PDZD2: variants seen among roughly 807,000 people sequenced by gnomAD.
PDZD2 encodes PDZ domain-containing protein 2.
PDZD2 carries 90 observed loss-of-function variants against 220.7 expected under a neutral mutation model. The ratio of observed to expected loss-of-function variants is 0.41; its 90% CI spans 0.34 to 0.49. The LOEUF (loss-of-function observed/expected upper bound fraction) is 0.49, where lower values mean the gene tolerates loss of function less well. Among genes scored for constraint, PDZD2 ranks in the 20% least tolerant of loss-of-function variants. The pLI is 0.28. For synonymous variants in PDZD2, 1,375 were observed against 1,450.5 expected (o/e 0.95, Z 1.18); for missense variants, 3,174 against 3,608.5 (o/e 0.88, Z 3.08).
At position 32,074,109 on chromosome 5, in the gene PDZD2, G is replaced by C. The variant is rs745579825; in HGVS notation, c.3003G>C (p.Pro1001=). Residue 1001 remains proline (P), a synonymous_variant, in exon 18 of 25, where the codon CCG becomes CCC. Transcript: ENST00000438447. ...GPIRPLSEDD[P]RRVSISSSKG... ...TCAGGCCTCTGTCAGAGGATGACCC[G>C]AGGCGTGTCTCAATTTCCTCTTCCA... 6.2e-7 allele frequency: 1 copy of C among 1,614,200 alleles called. No individual in the cohort carries two copies. Among genetic ancestry groups the C allele is most frequent in the Admixed American group, 1.7e-5 (1 of 60,024 alleles).
At chr5:32,106,531 A>G (rs1744780512) in intron 24 of PDZD2, 1 of 152,252 alleles carries the variant, frequency 6.6e-6, no homozygotes, top group Non-Finnish European at 1.5e-5. Flanking sequence ...AGATATCATC[A>G]TCACCATTTT....
intron 1 of PDZD2, among the ~76,000 whole-genome samples, chr5:31,693,402 A>T (rs432692): frequency 0.76 from 114,785 of 151,404 alleles, 44,517 homozygotes; most frequent in East Asian, 0.93. Flanking sequence ...CCACCACACC[A>T]GGCTAATTTC....
intron 2 of PDZD2, among the ~76,000 whole-genome samples, chr5:31,825,220 G>A (rs528117956): frequency 1.3e-4 from 20 of 152,244 alleles, no homozygotes; most frequent in South Asian, 1.0e-3. Context: ...AACACCAAAC[G>A]GAACCACATC....
In PDZD2 at chr5:31,983,271, G is replaced by C; in HGVS notation, c.593G>C (p.Gly198Ala). Residue 198 changes from glycine to alanine, a missense_variant, in exon 3 of 25, where the codon GGA becomes GCA. Transcript: ENST00000438447. ...AACAGTAGCAACAGCTCTGAACCAG[G>C]AGAAACACCTACCTTGGAGCTGGGT... ...NGNSSNSSEP[G>A]ETPTLELGDR... 3.7e-6 allele frequency: 6 copies of C among 1,614,208 alleles called. No homozygotes were observed. Among genetic ancestry groups the C allele is most frequent in the Non-Finnish European group, 5.1e-6 (6 of 1,180,034 alleles).
chr5:31,677,649 T>G (rs1271147736), intron 1 of PDZD2, among the ~76,000 whole-genome samples: 3 of 150,268 alleles, frequency 2.0e-5, no homozygotes, highest in African/African-American at 5.0e-5. Flanking sequence ...AAAAAGGAGG[T>G]ATATCCATGT....
rs1049612352 is a variant in PDZD2, at chr5:31,995,674, C to T, written c.1077C>T (p.His359=). The part of the protein sequence containing the change: ...SGGRGSKRSP[H]AIVVTQVKEG... ...GCCGAGGATCAAAGCGCTCACCTCA[C>T]GCTATCGTTGTCACTCAAGTGAAGG... The change falls in exon 4 of 25, where the codon CAC becomes CAT. Residue 359 remains histidine, a synonymous_variant. Coordinates refer to ENST00000438447, the MANE Select transcript of PDZD2 (RefSeq NM_178140.4). The T allele has an allele frequency of 2.5e-6, 4 of 1,614,062 alleles. No homozygotes were observed. Among genetic ancestry groups the T allele is most frequent in the Non-Finnish European group, 3.4e-6 (4 of 1,180,030 alleles).
rs1382852891 is a variant in PDZD2, at chr5:32,109,836, T to C, written c.*1701T>C. The C allele has an allele frequency of 6.6e-6, 1 of 152,618 alleles. No homozygotes were observed. 9.5% of individuals were successfully genotyped at this position (152,618 alleles called of 1,614,324 possible). A position where few individuals can be genotyped will look rare whatever the true frequency, so the allele number is the denominator to read the frequency against. On this transcript the variant is annotated 3_prime_UTR_variant, in exon 25 of 25. Coordinates refer to ENST00000438447, the MANE Select transcript of PDZD2 (RefSeq NM_178140.4). The stretch of plus-strand genomic sequence containing the variant: ...TCTGAATGACCAATCCCACTAAACA[T>C]CTTTGAAGTCGGCCTAGAGAGGTCC...
At chr5:31,902,992 G>A (rs1208183861) in intron 2 of PDZD2, among the ~76,000 whole-genome samples, 1 of 151,960 alleles carries the variant, frequency 6.6e-6, no homozygotes, top group African/African-American at 2.4e-5. Context: ...ATATGATAAG[G>A]GATTTGCATG....
intron 2 of PDZD2, among the ~76,000 whole-genome samples, chr5:31,919,718 G>A (rs868671653): frequency 2.0e-4 from 5 of 24,612 alleles, no homozygotes; most frequent in African/African-American, 4.7e-4. Context: ...AAAAAAAAAA[G>A]GAAAAAAAAA....
intron 1 of PDZD2, among the ~76,000 whole-genome samples, chr5:31,733,916 A>T (rs140495356): frequency 6.6e-6 from 1 of 152,182 alleles, no homozygotes; most frequent in African/African-American, 2.4e-5. Context: ...TTCAATTCTG[A>T]CACTGTCTAC....
chr5:31,856,900 T>C (rs1350706449), intron 2 of PDZD2, among the ~76,000 whole-genome samples: 1 of 92,662 alleles, frequency 1.1e-5, no homozygotes, highest in Admixed American at 1.4e-4. Context: ...CTTCCCTCCT[T>C]ATCAAAACTA....
chr5:31,844,757 C>G (rs1175979211), intron 2 of PDZD2, among the ~76,000 whole-genome samples: 1 of 152,196 alleles, frequency 6.6e-6, no homozygotes. Context: ...AGCTTCAACT[C>G]TCCTTTATAG....
chr5:31,850,372 A>G (rs1467510375), intron 2 of PDZD2, among the ~76,000 whole-genome samples: 14 of 141,454 alleles, frequency 9.9e-5, no homozygotes, highest in Non-Finnish European at 1.6e-5. Context: ...TTACATTCTC[A>G]TGGCACCTTG....
intron 12 of PDZD2, 137 bp downstream of exon 12, chr5:32,058,240 A>G: frequency 1.6e-6 from 1 of 638,176 alleles, no homozygotes; most frequent in Non-Finnish European, 2.8e-6. Context: ...TGGTCTCTGC[A>G]TGGGACAGTG....
At chr5:32,014,706 CTTTTTTTTTTTTTTTT>C (rs556276502) in intron 6 of PDZD2, among the ~76,000 whole-genome samples, 8 of 95,422 alleles carry the variant, frequency 8.4e-5, no homozygotes, top group Non-Finnish European at 1.0e-4. Flanking sequence ...ATGACAATTT[CTTTTTTTTTTTTTTTT>C]TTTTTTTTTT....
intron 23 of PDZD2, chr5:32,099,593 T>C (rs1312305612): frequency 6.6e-6 from 1 of 152,264 alleles, no homozygotes; most frequent in Non-Finnish European, 1.5e-5. Flanking sequence ...AACACCTTGG[T>C]CATCAGATCT....
chr5:31,725,873 G>A, intron 1 of PDZD2: 1 of 765,286 alleles, frequency 1.3e-6, no homozygotes, highest in Non-Finnish European at 2.4e-6. Flanking sequence ...TCTTCCAGTT[G>A]GTCTTTTTCT....
intron 2 of PDZD2, among the ~76,000 whole-genome samples, chr5:31,809,066 GT>G (rs1754919751): frequency 6.6e-6 from 1 of 152,162 alleles, no homozygotes; most frequent in Non-Finnish European, 1.5e-5. Flanking sequence ...GAAAATCTAT[GT>G]TTTTACCTGT....
intron 5 of PDZD2, among the ~76,000 whole-genome samples, chr5:32,002,903 C>CCACACACACA (rs2112019109): frequency 1.7e-4 from 1 of 5,850 alleles, no homozygotes; most frequent in Non-Finnish European, 3.7e-4. Flanking sequence ...CAACACACAC[C>CCACACACACA]CCCACCACAC....
Sources: gnomAD v4.1 joint callset for allele counts (sites outside exome capture counted in the v4.1 genomes callset) on GRCh38, gnomAD v4.1.1 for gene constraint, MANE v1.5 for transcripts, NCBI Gene and HGNC (gene_info 2026-07-23, HGNC 2026-07-21) for gene names.